AFAP1: variants seen among roughly 807,000 people sequenced by gnomAD.
AFAP1 encodes actin filament associated protein 1.
Under a neutral mutation model 93.9 loss-of-function variants are expected in AFAP1, and 75 were observed. The ratio of observed to expected loss-of-function variants is 0.80; its 90% CI spans 0.66 to 0.97. The LOEUF is 0.97. Among genes scored for constraint, AFAP1 ranks in the 50% least tolerant of loss-of-function variants. The probability of loss-of-function intolerance (pLI) is 0.00; values close to 1 mark genes in which losing one functional copy is unlikely to be tolerated. For synonymous variants in AFAP1, 517 were observed against 430.7 expected (o/e 1.20, Z -2.48); for missense variants, 1,201 against 1,050.8 (o/e 1.14, Z -1.98).
In AFAP1 at chr4:7,914,950, C is replaced by T. The variant is rs1469622467; in HGVS notation, c.-3+24706G>A. ...TTTTAGTAGAGATGCGGTTTTACCACGTTGGCCAGGCTGGTCTTGAACTCC... is the reference window on the plus strand; with the variant it reads ...TTTTAGTAGAGATGCGGTTTTACCATGTTGGCCAGGCTGGTCTTGAACTCC... On this transcript the variant is annotated intron_variant, in intron 1 of 17. Transcript: ENST00000420658. Among the ~76,000 whole-genome samples the T allele has an allele frequency of 3.9e-5, 6 of 152,102 alleles. No homozygotes were observed. The East Asian group carries it at 7.7e-4, about 20-fold the overall frequency.
chr4:7,861,057 G>C (rs1715624018), intron 3 of AFAP1, among the ~76,000 whole-genome samples: 1 of 152,196 alleles, frequency 6.6e-6, no homozygotes, highest in Admixed American at 6.5e-5. Context: ...GCTGATCTTA[G>C]CTGAGAAATA....
intron 10 of AFAP1, among the ~76,000 whole-genome samples, chr4:7,797,906 A>G (rs1431895061): frequency 6.6e-6 from 1 of 152,238 alleles, no homozygotes; most frequent in Non-Finnish European, 1.5e-5. Flanking sequence ...GGGAGAGTAC[A>G]CACGCAGGGC....
chr4:7,814,162 T>C (rs1720275842), intron 8 of AFAP1, among the ~76,000 whole-genome samples: 1 of 151,884 alleles, frequency 6.6e-6, no homozygotes, highest in Non-Finnish European at 1.5e-5. Context: ...CAAAGAACTC[T>C]CAAAACTCAA....
chr4:7,900,137 GC>G (rs1719036012), intron 1 of AFAP1, among the ~76,000 whole-genome samples: 1 of 152,110 alleles, frequency 6.6e-6, no homozygotes, highest in Non-Finnish European at 1.5e-5. Context: ...ACTTATTAGA[GC>G]CTGCAAGAAT....
intron 1 of AFAP1, among the ~76,000 whole-genome samples, chr4:7,919,143 A>G (rs1310389026): frequency 6.6e-6 from 1 of 152,202 alleles, no homozygotes; most frequent in Admixed American, 6.5e-5. Flanking sequence ...CAGATGAGAC[A>G]CTCAGCCCGG....
At position 7,819,151 on chromosome 4, in the gene AFAP1, A is replaced by G. The variant is rs1577249587; in HGVS notation, c.747T>C (p.Ser249=). ...QWLKVIKEAY[S]GCSGPVDSEC... ...CTGAATCCACGGGGCCACTACAACC[A>G]CTGTAGGCTTCTTTGATCACCTATA... The change falls in exon 7 of 18, where the codon AGT becomes AGC. Residue 249 remains serine (S), a synonymous_variant. Transcript: ENST00000420658. 1 of 1,612,332 alleles carries G rather than the reference A, an allele frequency of 6.2e-7. No homozygotes were observed. The highest frequency in any genetic ancestry group is 2.2e-5 in the East Asian group (1 of 44,854).
intron 8 of AFAP1, among the ~76,000 whole-genome samples, chr4:7,814,640 C>T (rs1035667459): frequency 3.3e-5 from 5 of 152,212 alleles, no homozygotes; most frequent in African/African-American, 9.7e-5. Flanking sequence ...TCCGACGCAG[C>T]GTGCTGAGTG....
At chr4:7,789,916 TAAATAGGTTTTCAGGA>T (rs1717710835) in intron 11 of AFAP1, among the ~76,000 whole-genome samples, 1 of 152,252 alleles carries the variant, frequency 6.6e-6, no homozygotes, top group African/African-American at 2.4e-5. Flanking sequence ...TATCTCATTG[TAAATAGGTTTTCAGGA>T]AAATATGTTT....
intron 7 of AFAP1, among the ~76,000 whole-genome samples, chr4:7,818,572 TCA>T (rs1720690350): frequency 6.6e-6 from 1 of 152,168 alleles, no homozygotes; most frequent in Non-Finnish European, 1.5e-5. Flanking sequence ...GCCTGCGGCG[TCA>T]CAGTGATGGG....
chr4:7,818,354 A>G (rs185523002), intron 7 of AFAP1, among the ~76,000 whole-genome samples: 1 of 152,268 alleles, frequency 6.6e-6, no homozygotes, highest in East Asian at 1.9e-4. Flanking sequence ...CATACATCCC[A>G]TTAATTCTGT....
At chr4:7,927,804 C>G (rs1032167671) in intron 1 of AFAP1, among the ~76,000 whole-genome samples, 1 of 152,088 alleles carries the variant, frequency 6.6e-6, no homozygotes, top group Non-Finnish European at 1.5e-5. Flanking sequence ...CAGCTTTTTA[C>G]CCCACACATA....
chr4:7,819,634 G>A (rs894647506), intron 6 of AFAP1, among the ~76,000 whole-genome samples: 3 of 152,288 alleles, frequency 2.0e-5, no homozygotes, highest in African/African-American at 4.8e-5. Flanking sequence ...AGGAACAGCT[G>A]GTGAAAAAGC....
intron 3 of AFAP1, among the ~76,000 whole-genome samples, chr4:7,860,946 G>A (rs950430957): frequency 5.9e-5 from 9 of 151,960 alleles, no homozygotes; most frequent in African/African-American, 1.9e-4. Flanking sequence ...TCGCCTCGTG[G>A]CTGGCACTCC....
At chr4:7,875,446 G>A (rs1479287387) in intron 1 of AFAP1, among the ~76,000 whole-genome samples, 1 of 152,082 alleles carries the variant, frequency 6.6e-6, no homozygotes, top group East Asian at 1.9e-4. Flanking sequence ...TTGATTCTAA[G>A]CAATCTCATC....
chr4:7,780,268 A>G (rs1433557431), intron 13 of AFAP1, among the ~76,000 whole-genome samples: 1 of 152,238 alleles, frequency 6.6e-6, no homozygotes, highest in African/African-American at 2.4e-5. Flanking sequence ...ATGGGATCTG[A>G]ACAACCGTCA....
At chr4:7,929,481 A>G (rs1304660459) in intron 1 of AFAP1, among the ~76,000 whole-genome samples, 1 of 152,232 alleles carries the variant, frequency 6.6e-6, no homozygotes, top group Non-Finnish European at 1.5e-5. Flanking sequence ...CAGCTGCTGA[A>G]AAAGCCTCAG....
chr4:7,933,250 G>A (rs1397542210), intron 1 of AFAP1, among the ~76,000 whole-genome samples: 1 of 151,884 alleles, frequency 6.6e-6, no homozygotes, highest in Non-Finnish European at 1.5e-5. Flanking sequence ...GGCTAACCAG[G>A]GAGGTCCAAT....
intron 1 of AFAP1, among the ~76,000 whole-genome samples, chr4:7,873,341 C>CTT (rs1717228775): frequency 4.9e-5 from 5 of 101,532 alleles, no homozygotes; most frequent in African/African-American, 1.9e-4. Flanking sequence ...TGAAGACACA[C>CTT]CTTTTTTTTT....
At chr4:7,811,505 C>A (rs1720034833) in intron 8 of AFAP1, among the ~76,000 whole-genome samples, 2 of 152,086 alleles carry the variant, frequency 1.3e-5, no homozygotes, top group African/African-American at 2.4e-5. Flanking sequence ...AAGTGGTCCT[C>A]TTTCTGCCTC....
Sources: gnomAD v4.1 joint callset for allele counts (sites outside exome capture counted in the v4.1 genomes callset) on GRCh38, gnomAD v4.1.1 for gene constraint, MANE v1.5 for transcripts, NCBI Gene and HGNC (gene_info 2026-07-23, HGNC 2026-07-21) for gene names.